The following LRRC4C variants were observed in gnomAD, a reference collection of about 807,000 sequenced individuals.
The protein encoded by LRRC4C is leucine-rich repeat-containing protein 4C.
LRRC4C carries 5 observed loss-of-function variants against 33.6 expected under a neutral mutation model. That is an observed-to-expected ratio of 0.15 (90% CI 0.08 to 0.31). The LOEUF (loss-of-function observed/expected upper bound fraction) is 0.31. Ranked by LOEUF, LRRC4C falls within the 10% of genes least tolerant of loss-of-function variation. LRRC4C has a pLI of 1.00. For missense variants in LRRC4C, 560 were observed against 796.7 expected (o/e 0.70, Z 3.58); for synonymous variants, 329 against 302.0 (o/e 1.09, Z -0.93).
intron 3 of LRRC4C, among the ~76,000 whole-genome samples, chr11:40,548,013 A>T (rs1488699005): frequency 1.3e-5 from 2 of 152,098 alleles, no homozygotes; most frequent in African/African-American, 4.8e-5. Context: ...AAACACGGAG[A>T]ATCAGTGAAG....
intron 3 of LRRC4C, among the ~76,000 whole-genome samples, chr11:40,361,514 C>G (rs1947947913): frequency 6.6e-6 from 1 of 152,116 alleles, no homozygotes; most frequent in Non-Finnish European, 1.5e-5. Flanking sequence ...GTTTTTGCCA[C>G]TAATGGCAAA....
At chr11:40,281,226 T>C (rs1235873284) in intron 4 of LRRC4C, among the ~76,000 whole-genome samples, 1 of 151,804 alleles carries the variant, frequency 6.6e-6, no homozygotes, top group African/African-American at 2.4e-5. Flanking sequence ...AGATGTTAAC[T>C]CTTTTAGGGT....
At chr11:40,651,446 T>C (rs1036889258) in intron 2 of LRRC4C, among the ~76,000 whole-genome samples, 1 of 152,138 alleles carries the variant, frequency 6.6e-6, no homozygotes, top group African/African-American at 2.4e-5. Context: ...GAATAAGTGA[T>C]TGTCCAATTC....
At chr11:40,909,177 A>C (rs1956557693) in intron 2 of LRRC4C, among the ~76,000 whole-genome samples, 1 of 152,088 alleles carries the variant, frequency 6.6e-6, no homozygotes, top group Admixed American at 6.5e-5. Context: ...TGCTTACATG[A>C]GGAATTTTAT....
At chr11:41,140,748 T>C (rs1478849484) in intron 1 of LRRC4C, among the ~76,000 whole-genome samples, 1 of 152,222 alleles carries the variant, frequency 6.6e-6, no homozygotes, top group African/African-American at 2.4e-5. Flanking sequence ...TCAGAAAGTT[T>C]CTCCTTATTG....
chr11:40,368,725 T>C (rs1948321781), intron 3 of LRRC4C, among the ~76,000 whole-genome samples: 1 of 152,186 alleles, frequency 6.6e-6, no homozygotes, highest in African/African-American at 2.4e-5. Context: ...TTCTGTAAGA[T>C]GGTGTTTTGC....
At chr11:41,288,552 T>A (rs1949901150) in intron 1 of LRRC4C, among the ~76,000 whole-genome samples, 1 of 152,132 alleles carries the variant, frequency 6.6e-6, no homozygotes, top group South Asian at 2.1e-4. Context: ...CCAGAATATA[T>A]CACACTTAGT....
intron 5 of LRRC4C, among the ~76,000 whole-genome samples, chr11:40,180,437 C>T (rs1860891069): frequency 6.6e-6 from 1 of 152,170 alleles, no homozygotes; most frequent in Non-Finnish European, 1.5e-5. Context: ...CTTGAGATCC[C>T]CTGGTCTGTA....
At chr11:41,387,504 T>C (rs1953407695) in intron 1 of LRRC4C, among the ~76,000 whole-genome samples, 1 of 151,664 alleles carries the variant, frequency 6.6e-6, no homozygotes, top group African/African-American at 2.4e-5. Flanking sequence ...ATTTCATTTG[T>C]GGGAAATGAG....
At chr11:41,243,441 A>G (rs1948331081) in intron 1 of LRRC4C, among the ~76,000 whole-genome samples, 1 of 152,182 alleles carries the variant, frequency 6.6e-6, no homozygotes, top group Non-Finnish European at 1.5e-5. Context: ...CAAGCCAACT[A>G]TTGATAACTA....
chr11:41,223,199 A>T (rs1463112519), intron 1 of LRRC4C, among the ~76,000 whole-genome samples: 1 of 152,204 alleles, frequency 6.6e-6, no homozygotes, highest in Non-Finnish European at 1.5e-5. Flanking sequence ...ATTAAGAGAC[A>T]TAGAGAGTCA....
intron 1 of LRRC4C, among the ~76,000 whole-genome samples, chr11:41,211,171 A>T (rs1946805303): frequency 6.6e-6 from 1 of 152,126 alleles, no homozygotes; most frequent in Non-Finnish European, 1.5e-5. Flanking sequence ...TTTAGAAAAG[A>T]CTGGAGATGG....
intron 4 of LRRC4C, among the ~76,000 whole-genome samples, chr11:40,242,244 AT>A: frequency 6.6e-6 from 1 of 152,186 alleles, no homozygotes; most frequent in South Asian, 2.1e-4. Context: ...GGTATGCATA[AT>A]TTTAAAAGGC....
In LRRC4C at chr11:41,261,659, G is replaced by A. The variant is rs180872322; in HGVS notation, c.-496+197772C>T. ...CCAGGAAAACTGGGGCTTGTAGGGG[G>A]CTATGGGCTTCATTCCTCGAACTCT... On this transcript the variant is annotated intron_variant, in intron 1 of 6. Transcript: ENST00000528697. Among the ~76,000 whole-genome samples the A allele has an allele frequency of 4.6e-5, 7 of 152,214 alleles. No individual in the cohort carries two copies. In the East Asian group the frequency reaches 1.4e-3, roughly 29 times the overall value.
At chr11:41,078,937 T>G (rs1214981666) in intron 1 of LRRC4C, among the ~76,000 whole-genome samples, 1 of 152,156 alleles carries the variant, frequency 6.6e-6, no homozygotes, top group Non-Finnish European at 1.5e-5. Flanking sequence ...TGCAATAACC[T>G]CCTAAAGTGT....
intron 4 of LRRC4C, among the ~76,000 whole-genome samples, chr11:40,307,480 CT>C (rs1945097466): frequency 6.6e-6 from 1 of 152,214 alleles, no homozygotes; most frequent in Non-Finnish European, 1.5e-5. Flanking sequence ...CTCTAAAATT[CT>C]TTTTCCTAGG....
intron 3 of LRRC4C, among the ~76,000 whole-genome samples, chr11:40,464,699 C>A (rs1246114260): frequency 6.6e-6 from 1 of 151,638 alleles, no homozygotes; most frequent in East Asian, 1.9e-4. Context: ...AGCTGAGAAC[C>A]AAATCAATCA....
intron 1 of LRRC4C, among the ~76,000 whole-genome samples, chr11:41,095,944 T>C (rs1407435982): frequency 6.6e-6 from 1 of 152,134 alleles, no homozygotes; most frequent in Non-Finnish European, 1.5e-5. Flanking sequence ...TGTGCTAGAG[T>C]ATTTCCTCCT....
At chr11:40,703,268 T>C (rs1945969258) in intron 2 of LRRC4C, among the ~76,000 whole-genome samples, 1 of 152,072 alleles carries the variant, frequency 6.6e-6, no homozygotes, top group African/African-American at 2.4e-5. Context: ...AACACAACAA[T>C]TGTAAAACCC....
Sources: allele counts gnomAD v4.1 joint callset (sites outside exome capture counted in the v4.1 genomes callset), GRCh38; gene constraint gnomAD v4.1.1; transcripts MANE v1.5; gene names NCBI Gene and HGNC (gene_info 2026-07-23, HGNC 2026-07-21).